The following LRFN2 variants were observed in gnomAD, a reference collection of about 807,000 sequenced individuals.
The protein encoded by LRFN2 is leucine-rich repeat and fibronectin type-III domain-containing protein 2.
In LRFN2, 18 loss-of-function variants were observed where a neutral mutation model predicts 37.3. The ratio of observed to expected loss-of-function variants is 0.48; its 90% CI spans 0.33 to 0.72. LRFN2 has a LOEUF of 0.72. Ranked by LOEUF, LRFN2 falls within the 30% of genes least tolerant of loss-of-function variation. LRFN2 has a pLI of 0.02. For missense variants in LRFN2, 1,006 were observed against 1,060.7 expected (o/e 0.95, Z 0.72); for synonymous variants, 556 against 466.6 (o/e 1.19, Z -2.47).
At chr6:40,443,665 G>A (rs1763897438) in intron 1 of LRFN2, among the ~76,000 whole-genome samples, 1 of 152,170 alleles carries the variant, frequency 6.6e-6, no homozygotes, top group Non-Finnish European at 1.5e-5. Context: ...AGAAGGGGTG[G>A]AGACACATTA....
At chr6:40,503,850 G>C (rs532854447) in intron 1 of LRFN2, among the ~76,000 whole-genome samples, 1 of 151,990 alleles carries the variant, frequency 6.6e-6, no homozygotes, top group African/African-American at 2.4e-5. Context: ...TACTATGCTC[G>C]TTGGATGTAA....
intron 1 of LRFN2, among the ~76,000 whole-genome samples, chr6:40,539,006 T>G (rs2113914695): frequency 6.6e-6 from 1 of 152,282 alleles, no homozygotes; most frequent in South Asian, 2.1e-4. Context: ...TGGGTGGAAG[T>G]CTGGGCTGTG....
intron 1 of LRFN2, among the ~76,000 whole-genome samples, chr6:40,476,817 G>A (rs553568019): frequency 1.7e-4 from 26 of 152,334 alleles, no homozygotes; most frequent in Admixed American, 8.5e-4. Flanking sequence ...AACAGGCCTC[G>A]GATGTTGGTG....
At chr6:40,458,099 A>G (rs1390650582) in intron 1 of LRFN2, among the ~76,000 whole-genome samples, 1 of 152,214 alleles carries the variant, frequency 6.6e-6, no homozygotes, top group Non-Finnish European at 1.5e-5. Context: ...GCCGCTTGTT[A>G]CTAAAGCATA....
intron 1 of LRFN2, among the ~76,000 whole-genome samples, chr6:40,459,238 C>A (rs551160002): frequency 1.3e-5 from 2 of 152,232 alleles, no homozygotes; most frequent in East Asian, 3.9e-4. Flanking sequence ...CCCAAGAATC[C>A]AAGGAAATTG....
intron 1 of LRFN2, among the ~76,000 whole-genome samples, chr6:40,542,232 C>T (rs902123982): frequency 6.6e-6 from 1 of 152,160 alleles, no homozygotes; most frequent in East Asian, 1.9e-4. Flanking sequence ...ACACACCCTG[C>T]GATGAGCTTT....
At chr6:40,400,852 A>G (rs1171040584) in intron 2 of LRFN2, among the ~76,000 whole-genome samples, 1 of 151,682 alleles carries the variant, frequency 6.6e-6, no homozygotes, top group African/African-American at 2.4e-5. Context: ...ATGTGTGTCT[A>G]AGAAGTATCA....
chr6:40,515,381 G>A (rs1765834950), intron 1 of LRFN2, among the ~76,000 whole-genome samples: 1 of 152,236 alleles, frequency 6.6e-6, no homozygotes, highest in African/African-American at 2.4e-5. Context: ...ATGGTTCAGT[G>A]AGATTTGGTA....
chr6:40,414,752 G>A (rs930080279), intron 2 of LRFN2, among the ~76,000 whole-genome samples: 1 of 152,206 alleles, frequency 6.6e-6, no homozygotes, highest in African/African-American at 2.4e-5. Flanking sequence ...CCCCAGGCGG[G>A]GTCACTGTGA....
intron 1 of LRFN2, among the ~76,000 whole-genome samples, chr6:40,570,644 TCTTAGTGAGAGCAG>T (rs1405032239): frequency 1.3e-5 from 2 of 152,044 alleles, no homozygotes; most frequent in Non-Finnish European, 2.9e-5. Context: ...GGGAAGCTGC[TCTTAGTGAGAGCAG>T]CAAGGGGCCA....
chr6:40,548,702 A>G (rs1484054065), intron 1 of LRFN2, among the ~76,000 whole-genome samples: 1 of 152,228 alleles, frequency 6.6e-6, no homozygotes, highest in Non-Finnish European at 1.5e-5. Context: ...AACAGGTCCT[A>G]TCAGAGTGAA....
intron 1 of LRFN2, among the ~76,000 whole-genome samples, chr6:40,504,326 T>C (rs1765470347): frequency 6.6e-6 from 1 of 152,232 alleles, no homozygotes; most frequent in Non-Finnish European, 1.5e-5. Flanking sequence ...TGAGGAACTT[T>C]AGTTTCCTCA....
chr6:40,431,467 C>T (rs79910021), intron 2 of LRFN2, among the ~76,000 whole-genome samples: 5,244 of 152,308 alleles, frequency 0.034, 301 homozygotes, highest in African/African-American at 0.12. Flanking sequence ...GCCACCCAGC[C>T]GGGAGGTGTG....
intron 1 of LRFN2, among the ~76,000 whole-genome samples, chr6:40,533,875 G>A (rs889821700): frequency 1.3e-5 from 2 of 152,156 alleles, no homozygotes; most frequent in Non-Finnish European, 2.9e-5. Flanking sequence ...GAGCAGCGTG[G>A]CATCATTACA....
At chr6:40,556,744 C>T (rs1766895419) in intron 1 of LRFN2, among the ~76,000 whole-genome samples, 3 of 148,392 alleles carry the variant, frequency 2.0e-5, no homozygotes, top group South Asian at 4.4e-4. Flanking sequence ...CACACACACA[C>T]ACACACACGC....
At chr6:40,555,983 A>G (rs1766868023) in intron 1 of LRFN2, among the ~76,000 whole-genome samples, 1 of 114,824 alleles carries the variant, frequency 8.7e-6, no homozygotes, top group Non-Finnish European at 1.8e-5. Context: ...CGTAATGAAG[A>G]TCAGAATAAT....
At chr6:40,453,230 G>A (rs1764154899) in intron 1 of LRFN2, among the ~76,000 whole-genome samples, 1 of 152,116 alleles carries the variant, frequency 6.6e-6, no homozygotes, top group South Asian at 2.1e-4. Context: ...ACGGTTGGAA[G>A]GAAAAAGGAA....
chr6:40,466,811 A>G (rs75892968), intron 1 of LRFN2, among the ~76,000 whole-genome samples: 3,516 of 152,302 alleles, frequency 0.023, 104 homozygotes, highest in East Asian at 0.064. Flanking sequence ...CCTAAGCCCA[A>G]GTGCCTGAGA....
chr6:40,424,711 G>T (rs2113817578), intron 2 of LRFN2, among the ~76,000 whole-genome samples: 1 of 152,148 alleles, frequency 6.6e-6, no homozygotes, highest in Admixed American at 6.5e-5. Flanking sequence ...CTGCCTGTGG[G>T]GACTCAACCC....
Sources: gnomAD v4.1 joint callset for allele counts (sites outside exome capture counted in the v4.1 genomes callset) on GRCh38, gnomAD v4.1.1 for gene constraint, MANE v1.5 for transcripts, NCBI Gene and HGNC (gene_info 2026-07-23, HGNC 2026-07-21) for gene names.